The following OPCML variants were observed in gnomAD, a reference collection of about 807,000 sequenced individuals.
OPCML encodes opioid-binding protein/cell adhesion molecule.
Under a neutral mutation model 37.8 loss-of-function variants are expected in OPCML, and 13 were observed. That is an observed-to-expected ratio of 0.34 (90% CI 0.22 to 0.55). The LOEUF (loss-of-function observed/expected upper bound fraction) is 0.55, where lower values mean the gene tolerates loss of function less well. Among genes scored for constraint, OPCML ranks in the 20% least tolerant of loss-of-function variants. The probability of loss-of-function intolerance (pLI) is 0.91; values close to 1 mark genes in which losing one functional copy is unlikely to be tolerated. For missense variants in OPCML, 341 were observed against 435.6 expected (o/e 0.78, Z 1.93); for synonymous variants, 176 against 168.8 (o/e 1.04, Z -0.33).
chr11:133,481,691 C>T (rs184551096), intron 1 of OPCML, among the ~76,000 whole-genome samples: 2 of 152,004 alleles, frequency 1.3e-5, no homozygotes, highest in East Asian at 3.9e-4. Context: ...CTGAGTTAAG[C>T]CTCGAGAAAC....
intron 1 of OPCML, among the ~76,000 whole-genome samples, chr11:133,271,557 T>C (rs1941833559): frequency 6.6e-6 from 1 of 152,232 alleles, no homozygotes; most frequent in Non-Finnish European, 1.5e-5. Flanking sequence ...TGTGTGGCAC[T>C]ATGATAAACA....
chr11:133,495,389 A>T (rs772925666), intron 1 of OPCML, among the ~76,000 whole-genome samples: 34 of 152,274 alleles, frequency 2.2e-4, no homozygotes, highest in Middle Eastern at 6.8e-3. Flanking sequence ...TTATTCGAAT[A>T]ATGACTTCTT....
At chr11:132,726,059 C>CT (rs1191697906) in intron 2 of OPCML, among the ~76,000 whole-genome samples, 1 of 152,174 alleles carries the variant, frequency 6.6e-6, no homozygotes, top group African/African-American at 2.4e-5. Context: ...GTTTTCCTGT[C>CT]TTCTCCTGAG....
intron 2 of OPCML, among the ~76,000 whole-genome samples, chr11:132,844,291 G>C (rs532729081): frequency 1.3e-5 from 2 of 152,142 alleles, no homozygotes; most frequent in Admixed American, 6.6e-5. Flanking sequence ...AAAGGAGAAG[G>C]AATCATATCT....
At chr11:132,833,805 A>G (rs1940851875) in intron 2 of OPCML, among the ~76,000 whole-genome samples, 1 of 152,224 alleles carries the variant, frequency 6.6e-6, no homozygotes, top group Non-Finnish European at 1.5e-5. Flanking sequence ...CCCATCATTG[A>G]CTGAAACATC....
chr11:133,377,587 G>GCT (rs1321425575), intron 1 of OPCML, among the ~76,000 whole-genome samples: 1 of 110,990 alleles, frequency 9.0e-6, no homozygotes, highest in Non-Finnish European at 1.7e-5. Flanking sequence ...GTCTCGTTAT[G>GCT]CTCTCTCTGA....
chr11:133,220,614 T>C (rs1447033918), intron 1 of OPCML, among the ~76,000 whole-genome samples: 1 of 152,174 alleles, frequency 6.6e-6, no homozygotes, highest in Non-Finnish European at 1.5e-5. Flanking sequence ...CTGCTTGTGG[T>C]AGCAAATGCT....
At chr11:133,419,149 C>T in intron 1 of OPCML, 1 of 680,040 alleles carries the variant, frequency 1.5e-6, no homozygotes, top group Middle Eastern at 7.3e-4. Context: ...GCTAATAAAA[C>T]TCCTTCTCTA....
intron 1 of OPCML, among the ~76,000 whole-genome samples, chr11:133,329,055 C>A (rs1943552710): frequency 1.3e-5 from 2 of 151,932 alleles, no homozygotes; most frequent in African/African-American, 2.4e-5. Flanking sequence ...AAACAGAGAG[C>A]CAAATCATGA....
At chr11:132,567,573 A>G (rs914095563) in intron 3 of OPCML, among the ~76,000 whole-genome samples, 2 of 152,198 alleles carry the variant, frequency 1.3e-5, no homozygotes, top group Admixed American at 1.3e-4. Context: ...CATATCATAA[A>G]GCTATTATAT....
chr11:133,343,431 A>C (rs537017588), intron 1 of OPCML, among the ~76,000 whole-genome samples: 1 of 152,346 alleles, frequency 6.6e-6, no homozygotes, highest in African/African-American at 2.4e-5. Context: ...TAACCTTATC[A>C]GGCAACATGG....
intron 4 of OPCML, among the ~76,000 whole-genome samples, chr11:132,485,043 A>AT (rs1468632722): frequency 6.6e-6 from 1 of 152,124 alleles, no homozygotes; most frequent in Non-Finnish European, 1.5e-5. Context: ...CATTGTGCAC[A>AT]TGTACCCTAA....
At chr11:132,844,929 T>C (rs1288336365) in intron 2 of OPCML, among the ~76,000 whole-genome samples, 1 of 139,606 alleles carries the variant, frequency 7.2e-6, no homozygotes, top group Admixed American at 7.3e-5. Flanking sequence ...AAAGAACATA[T>C]AGAAATAAAA....
At chr11:132,878,857 T>C (rs1351584274) in intron 2 of OPCML, among the ~76,000 whole-genome samples, 1 of 152,214 alleles carries the variant, frequency 6.6e-6, no homozygotes, top group Non-Finnish European at 1.5e-5. Context: ...GCAGATATTA[T>C]GATGGGTACG....
intron 2 of OPCML, among the ~76,000 whole-genome samples, chr11:132,660,635 C>T (rs994201022): frequency 6.6e-6 from 1 of 152,094 alleles, no homozygotes; most frequent in Non-Finnish European, 1.5e-5. Context: ...GCTAAATCAC[C>T]GAGCCCTCTG....
rs369091371 is a variant in OPCML, at chr11:133,177,655, A to G, written c.62-234645T>C. On this transcript the variant is annotated intron_variant, in intron 1 of 7. Coordinates refer to ENST00000524381, the MANE Select transcript of OPCML (RefSeq NM_001012393.5). The surrounding 1 kb of genome is among the most constrained non-coding windows in gnomAD (Gnocchi z 5.0). ...CTGCCCCATGGTGCAATTCCCTCAAAGGGCAAGACTTCTCAGAAGCATCCA... is the reference window on the plus strand; with the variant it reads ...CTGCCCCATGGTGCAATTCCCTCAAGGGGCAAGACTTCTCAGAAGCATCCA... Among the ~76,000 whole-genome samples the G allele has an allele frequency of 6.6e-6, 1 of 152,130 alleles. No homozygotes were observed. The highest frequency in any genetic ancestry group is 1.5e-5 in the Non-Finnish European group (1 of 68,030).
chr11:133,016,121 C>T (rs554226985), intron 1 of OPCML, among the ~76,000 whole-genome samples: 3 of 152,270 alleles, frequency 2.0e-5, no homozygotes, highest in East Asian at 3.9e-4. Context: ...CATTTTCTAT[C>T]GTTGTATAAG....
chr11:133,095,501 A>C (rs1948987158), intron 1 of OPCML, among the ~76,000 whole-genome samples: 1 of 149,374 alleles, frequency 6.7e-6, no homozygotes, highest in Non-Finnish European at 1.5e-5. Context: ...ATAAATGAGA[A>C]AATGAAAGGA....
At chr11:132,483,498 A>G (rs2096188227) in intron 4 of OPCML, among the ~76,000 whole-genome samples, 1 of 152,136 alleles carries the variant, frequency 6.6e-6, no homozygotes, top group Non-Finnish European at 1.5e-5. Context: ...TGCCCAAGGT[A>G]ATTTACAGAT....
Sources: gnomAD v4.1 joint callset for allele counts (sites outside exome capture counted in the v4.1 genomes callset) on GRCh38, gnomAD v4.1.1 for gene constraint, Gnocchi (gnomAD v3.1) non-coding constraint, MANE v1.5 for transcripts, NCBI Gene and HGNC (gene_info 2026-07-23, HGNC 2026-07-21) for gene names.